MAGI2: variants seen among roughly 807,000 people sequenced by gnomAD.
The protein encoded by MAGI2 is membrane-associated guanylate kinase, WW and PDZ domain-containing protein 2.
In MAGI2, 35 loss-of-function variants were observed where a neutral mutation model predicts 133.3. The ratio of observed to expected loss-of-function variants is 0.26; its 90% confidence interval spans 0.20 to 0.35. The LOEUF (loss-of-function observed/expected upper bound fraction) is 0.35, where lower values mean the gene tolerates loss of function less well. MAGI2 is among the 10% of genes least tolerant of loss of function. MAGI2 has a pLI of 1.00. For synonymous variants in MAGI2, 729 were observed against 710.6 expected (o/e 1.03, Z -0.41); for missense variants, 1,636 against 1,863.4 (o/e 0.88, Z 2.25).
At chr7:78,665,946 AGT>A (rs1813525963) in intron 2 of MAGI2, among the ~76,000 whole-genome samples, 1 of 152,128 alleles carries the variant, frequency 6.6e-6, no homozygotes, top group African/African-American at 2.4e-5. Context: ...AGGTAGTTAT[AGT>A]AGGGTGATGT....
At chr7:79,058,099 G>A (rs1813328378) in intron 1 of MAGI2, among the ~76,000 whole-genome samples, 1 of 151,590 alleles carries the variant, frequency 6.6e-6, no homozygotes, top group Non-Finnish European at 1.5e-5. Context: ...AAGTGGTGGA[G>A]AGGGGGGAAG....
chr7:79,045,574 C>T (rs775861543), intron 1 of MAGI2, among the ~76,000 whole-genome samples: 2 of 152,072 alleles, frequency 1.3e-5, no homozygotes, highest in African/African-American at 2.4e-5. Context: ...AGGCGGATCA[C>T]GAGGTCAGGA....
At chr7:79,027,157 G>T (rs1809975839) in intron 1 of MAGI2, among the ~76,000 whole-genome samples, 1 of 151,810 alleles carries the variant, frequency 6.6e-6, no homozygotes, top group African/African-American at 2.4e-5. Context: ...AAAAAAAATA[G>T]AATTACCATA....
chr7:78,627,366 A>C, intron 2 of MAGI2, 127 bp from the exon 3 acceptor site: 2 of 831,398 alleles, frequency 2.4e-6, no homozygotes, highest in Non-Finnish European at 3.3e-6. Context: ...GGCAGTTTGC[A>C]TTTGTCCTTC....
intron 6 of MAGI2, among the ~76,000 whole-genome samples, chr7:78,423,517 A>G (rs1045392179): frequency 3.9e-5 from 6 of 152,338 alleles, no homozygotes; most frequent in African/African-American, 1.4e-4. Context: ...AAAATGTGGA[A>G]GCAACTTTGG....
At chr7:79,145,125 G>T (rs1368458534) in intron 1 of MAGI2, among the ~76,000 whole-genome samples, 1 of 152,124 alleles carries the variant, frequency 6.6e-6, no homozygotes, top group Non-Finnish European at 1.5e-5. Context: ...CATAATTTGG[G>T]TATAAGGAAG....
chr7:78,549,262 T>G (rs181932701), intron 3 of MAGI2, among the ~76,000 whole-genome samples: 2 of 152,136 alleles, frequency 1.3e-5, no homozygotes, highest in African/African-American at 2.4e-5. Context: ...GGTGTTCTCC[T>G]GTGGAACATC....
At chr7:78,117,899 A>C (rs1007920124) in intron 20 of MAGI2, among the ~76,000 whole-genome samples, 11 of 152,214 alleles carry the variant, frequency 7.2e-5, no homozygotes, top group African/African-American at 2.7e-4. Context: ...CATTAAAAAT[A>C]CTATAGCCAG....
intron 2 of MAGI2, among the ~76,000 whole-genome samples, chr7:78,789,005 C>T (rs1827060422): frequency 6.6e-6 from 1 of 152,176 alleles, no homozygotes; most frequent in South Asian, 2.1e-4. Flanking sequence ...TCCTGGCATC[C>T]TGTCTAGGGT....
chr7:78,343,953 T>A lies in MAGI2; in HGVS notation c.1233A>T (p.Pro411=). ...ACTGGGATGCATCCCGGGTGAAGAG[T>A]GGTTTTTCTACATTGGCCAATATAA... ...PLQAPGFREK[P]LFTRDASQLK... Residue 411 remains proline (P), a synonymous_variant, in exon 9 of 22, where the codon CCA becomes CCT. Transcript: ENST00000354212. The A allele has an allele frequency of 6.2e-7, 1 of 1,606,018 alleles. No individual in the cohort carries two copies. The highest frequency in any genetic ancestry group is 2.2e-5 in the East Asian group (1 of 44,534).
intron 2 of MAGI2, among the ~76,000 whole-genome samples, chr7:78,896,857 A>G (rs1448612348): frequency 6.6e-6 from 1 of 152,196 alleles, no homozygotes; most frequent in African/African-American, 2.4e-5. Context: ...TGTATTTTCA[A>G]CGATATTCAT....
intron 1 of MAGI2, among the ~76,000 whole-genome samples, chr7:79,447,372 A>G: frequency 6.6e-6 from 1 of 152,196 alleles, no homozygotes; most frequent in South Asian, 2.1e-4. Flanking sequence ...TGGAGTAAGT[A>G]ATAATAAAGT....
chr7:78,090,566 G>T (rs957768358), intron 20 of MAGI2, among the ~76,000 whole-genome samples: 1 of 152,178 alleles, frequency 6.6e-6, no homozygotes, highest in African/African-American at 2.4e-5. Flanking sequence ...CACAAGATAA[G>T]AGCTTCATAA....
chr7:78,156,842 A>C (rs1824443557), intron 16 of MAGI2, among the ~76,000 whole-genome samples: 1 of 152,026 alleles, frequency 6.6e-6, no homozygotes, highest in Non-Finnish European at 1.5e-5. Flanking sequence ...AAAAAACCCC[A>C]AAAAACAAAA....
chr7:79,389,164 A>G (rs981325303), intron 1 of MAGI2, among the ~76,000 whole-genome samples: 11 of 152,046 alleles, frequency 7.2e-5, no homozygotes, highest in Non-Finnish European at 1.6e-4. Flanking sequence ...CATATCTTCT[A>G]TCCACATATC....
At chr7:78,039,926 C>A (rs1272489908) in intron 21 of MAGI2, among the ~76,000 whole-genome samples, 2 of 152,182 alleles carry the variant, frequency 1.3e-5, no homozygotes, top group Admixed American at 6.5e-5. Flanking sequence ...TAGACCCAGG[C>A]GGATCTCTGC....
chr7:78,787,238 G>A (rs550308589), intron 2 of MAGI2, among the ~76,000 whole-genome samples: 79 of 152,268 alleles, frequency 5.2e-4, no homozygotes, highest in African/African-American at 1.8e-3. Flanking sequence ...GAGCCATTGC[G>A]CCTGGCCTCG....
At chr7:78,604,804 A>C (rs73378235) in intron 3 of MAGI2, among the ~76,000 whole-genome samples, 4,193 of 152,312 alleles carry the variant, frequency 0.028, 213 homozygotes, top group African/African-American at 0.096. Flanking sequence ...ATTCATATAA[A>C]TGGCATTGTG....
At chr7:78,757,910 A>G (rs916977243) in intron 2 of MAGI2, among the ~76,000 whole-genome samples, 1 of 152,144 alleles carries the variant, frequency 6.6e-6, no homozygotes, top group African/African-American at 2.4e-5. Flanking sequence ...TTTGCTCCTG[A>G]ATTCCAGAAC....
Sources: allele counts gnomAD v4.1 joint callset (sites outside exome capture counted in the v4.1 genomes callset), GRCh38; gene constraint gnomAD v4.1.1; transcripts MANE v1.5; gene names NCBI Gene and HGNC (gene_info 2026-07-23, HGNC 2026-07-21).